Variants in GABRG3 observed in about 807,000 individuals in gnomAD.
The protein encoded by GABRG3 is gamma-aminobutyric acid type A receptor subunit gamma3.
GABRG3 carries 25 observed loss-of-function variants against 48.8 expected under a neutral mutation model. The ratio of observed to expected loss-of-function variants is 0.51; its 90% CI spans 0.37 to 0.72. The LOEUF (loss-of-function observed/expected upper bound fraction) is 0.72. Ranked by LOEUF, GABRG3 falls within the 30% of genes least tolerant of loss-of-function variation. The pLI is 0.00. For synonymous variants in GABRG3, 227 were observed against 217.6 expected (o/e 1.04, Z -0.38); for missense variants, 394 against 577.9 (o/e 0.68, Z 3.26).
chr15:27,140,358 C>T lies in GABRG3; in HGVS notation c.270+113537C>T, dbSNP rs75225599. Among the ~76,000 whole-genome samples, 12 of 152,096 alleles carry T rather than the reference C, an allele frequency of 7.9e-5. No individual in the cohort carries two copies. In the East Asian group the frequency reaches 2.3e-3, roughly 30 times the overall value. ...GTGTCCATTGTGGGTTGCTTGCTTGCTTGTTGATGGGGAGAAATCCCTACA... is the reference window on the plus strand; with the variant it reads ...GTGTCCATTGTGGGTTGCTTGCTTGTTTGTTGATGGGGAGAAATCCCTACA... On this transcript the variant is annotated intron_variant, in intron 3 of 9. Transcript: ENST00000615808.
rs1409783317 is a variant in GABRG3 at position 27,459,202 on chromosome 15, T to G, written c.575-21448T>G. On this transcript the variant is annotated intron_variant, in intron 5 of 9. Coordinates refer to ENST00000615808, the MANE Select transcript of GABRG3 (RefSeq NM_033223.5). ...TCTTTCCAAAATGCTGCTCTCCTGG[T>G]GAGAAAGAGAGCCTTGGCAGGCTCG... is the stretch of plus-strand genomic sequence containing the variant. Among the ~76,000 whole-genome samples, 4 of 152,314 alleles carry G rather than the reference T, an allele frequency of 2.6e-5. No individual in the cohort carries two copies. The South Asian group carries it at 8.3e-4, about 32-fold the overall frequency.
chr15:27,535,411 A>G lies in GABRG3; in HGVS notation c.*2530A>G, dbSNP rs1295757571. On this transcript the variant is annotated 3_prime_UTR_variant, in exon 10 of 10. Transcript: ENST00000615808. ...GTTAGCAACCCTCCTGAAATTTTAC[A>G]TGTAGGATAAATACACCAATAACCT... 1 of 152,332 alleles carries G rather than the reference A, an allele frequency of 6.6e-6. No homozygotes were observed. The highest frequency in any genetic ancestry group is 1.5e-5 in the Non-Finnish European group (1 of 68,040). The allele number at this position is 152,332 out of a possible 1,614,324, so 9.4% of individuals were successfully genotyped here.
intron 5 of GABRG3, among the ~76,000 whole-genome samples, chr15:27,337,089 C>T (rs1387113574): frequency 1.3e-5 from 2 of 152,194 alleles, no homozygotes; most frequent in Non-Finnish European, 2.9e-5. Context: ...TGACAGTACT[C>T]TACAAGGTGA....
chr15:27,185,292 A>G lies in GABRG3; in HGVS notation c.271-141517A>G, dbSNP rs143272003. ...TTCCTTTGACATATGTTCTTCACCC[A>G]TAGATTATTTTGAAGTATGTCATTT... On this transcript the variant is annotated intron_variant, in intron 3 of 9. Transcript: ENST00000615808. 1.6e-3 allele frequency among the ~76,000 whole-genome samples: 247 copies of G among 152,194 alleles called. 2 individuals carry two copies. The highest frequency in any genetic ancestry group is 5.7e-3 in the African/African-American group (238 of 41,538).
At chr15:27,104,916 A>G (rs369295859) in intron 3 of GABRG3, among the ~76,000 whole-genome samples, 2 of 152,330 alleles carry the variant, frequency 1.3e-5, no homozygotes, top group East Asian at 3.9e-4. Flanking sequence ...ATAAGCCCTA[A>G]CATGTCAATA....
At chr15:27,055,781 G>A (rs1014566588) in intron 3 of GABRG3, among the ~76,000 whole-genome samples, 1 of 152,030 alleles carries the variant, frequency 6.6e-6, no homozygotes, top group Non-Finnish European at 1.5e-5. Flanking sequence ...TACCCAACCA[G>A]TAATGATGGA....
At chr15:27,404,917 C>T (rs1371726413) in intron 5 of GABRG3, among the ~76,000 whole-genome samples, 1 of 152,128 alleles carries the variant, frequency 6.6e-6, no homozygotes, top group East Asian at 1.9e-4. Context: ...TGTCATGCCC[C>T]CTAGATTCTT....
At chr15:27,044,117 G>A (rs920109536) in intron 3 of GABRG3, among the ~76,000 whole-genome samples, 2 of 152,170 alleles carry the variant, frequency 1.3e-5, no homozygotes, top group East Asian at 1.9e-4. Context: ...ATCTAACCTC[G>A]GAAGTGATGT....
intron 3 of GABRG3, among the ~76,000 whole-genome samples, chr15:27,049,779 G>T (rs761239649): frequency 6.6e-6 from 1 of 152,210 alleles, no homozygotes; most frequent in Non-Finnish European, 1.5e-5. Flanking sequence ...ATGCGTGCAC[G>T]CTGCTAGACC....
At chr15:27,388,217 GAA>G (rs1896056027) in intron 5 of GABRG3, among the ~76,000 whole-genome samples, 2 of 75,206 alleles carry the variant, frequency 2.7e-5, no homozygotes, top group Non-Finnish European at 2.5e-5. Context: ...AGGAAAGGAG[GAA>G]GGAAGGAAAG....
At position 27,044,407 on chromosome 15, in the gene GABRG3, A is replaced by AT. The variant is rs548891676; in HGVS notation, c.270+17586_270+17587insT. ...TATCAATAGGTATTGACTAAAAGAA[A>AT]ATATAAATAGATGTCAAAATGCAAA... On this transcript the variant is annotated intron_variant, in intron 3 of 9. Coordinates refer to ENST00000615808, the MANE Select transcript of GABRG3 (RefSeq NM_033223.5). Among the ~76,000 whole-genome samples the AT allele has an allele frequency of 2.9e-3, 436 of 152,184 alleles. 1 individual carries two copies. The highest frequency in any genetic ancestry group is 9.2e-3 in the African/African-American group (382 of 41,522).
intron 5 of GABRG3, among the ~76,000 whole-genome samples, chr15:27,420,934 A>G (rs1389543795): frequency 6.6e-6 from 1 of 152,208 alleles, no homozygotes; most frequent in African/African-American, 2.4e-5. Context: ...ACCTTCTTAC[A>G]CTCTTCACTC....
Position 27,332,028 on chromosome 15 carries a change from T to C in GABRG3, c.574+3140T>C, listed in dbSNP as rs140157714. On this transcript the variant is annotated intron_variant, in intron 5 of 9. Transcript: ENST00000615808. Reference sequence around the variant, plus strand: ...ATAAGTTTTTGAACCACTTTACATGTGTAGCATTAATTCATATGTATAGGA... The same window carrying C: ...ATAAGTTTTTGAACCACTTTACATGCGTAGCATTAATTCATATGTATAGGA... Among the ~76,000 whole-genome samples, 724 of 152,296 alleles carry C rather than the reference T, an allele frequency of 4.8e-3. 5 individuals are homozygous for C. Among genetic ancestry groups the C allele is most frequent in the African/African-American group, 0.015 (642 of 41,574 alleles).
intron 3 of GABRG3, among the ~76,000 whole-genome samples, chr15:27,195,099 C>A (rs1424946422): frequency 6.6e-6 from 1 of 151,640 alleles, no homozygotes; most frequent in African/African-American, 2.4e-5. Context: ...TAGTTATTTT[C>A]TGAGCTTTTT....
rs1156451987 is a variant in GABRG3 at position 27,447,239 on chromosome 15, CA to C, written c.575-33407del. Among the ~76,000 whole-genome samples, 1 of 152,086 alleles carries C rather than the reference CA, an allele frequency of 6.6e-6. No homozygotes were observed. Among genetic ancestry groups the C allele is most frequent in the Non-Finnish European group, 1.5e-5 (1 of 68,008 alleles). ...ACATAATTATAGGCAAAATCAGAGT[CA>C]AAAGAGACAGGCATGTCCCAGAAGC... is the stretch of plus-strand genomic sequence containing the variant. On this transcript the variant is annotated intron_variant, in intron 5 of 9. Coordinates refer to ENST00000615808, the MANE Select transcript of GABRG3 (RefSeq NM_033223.5). This position sits in a 1 kb window ranked among gnomAD's most constrained non-coding sequence, Gnocchi z 4.0.
intron 5 of GABRG3, among the ~76,000 whole-genome samples, chr15:27,453,432 A>C (rs557043883): frequency 2.0e-5 from 3 of 152,366 alleles, no homozygotes; most frequent in South Asian, 2.1e-4. Flanking sequence ...AATTATATAA[A>C]GCTAGAAGAA....
intron 3 of GABRG3, among the ~76,000 whole-genome samples, chr15:27,181,269 C>T (rs974236150): frequency 6.6e-6 from 1 of 152,128 alleles, no homozygotes; most frequent in African/African-American, 2.4e-5. Flanking sequence ...TCTCATCAAA[C>T]CCCAAAGTCC....
rs1330084086 is a variant in GABRG3, at chr15:27,534,881, G to C, written c.*2000G>C. 2.0e-5 allele frequency: 3 copies of C among 152,130 alleles called. No homozygotes were observed. Among genetic ancestry groups the C allele is most frequent in the Non-Finnish European group, 4.4e-5 (3 of 68,028 alleles). The allele number at this position is 152,130 out of a possible 1,614,324, so 9.4% of individuals were successfully genotyped here. On this transcript the variant is annotated 3_prime_UTR_variant, in exon 10 of 10. Transcript: ENST00000615808. ...CTCCCTGTCAACTCTCTGTCTTTTGGTTTGGTAGTTGCTACATAATCCACA... is the reference window on the plus strand; with the variant it reads ...CTCCCTGTCAACTCTCTGTCTTTTGCTTTGGTAGTTGCTACATAATCCACA...
intron 7 of GABRG3, among the ~76,000 whole-genome samples, chr15:27,522,248 C>G (rs1330159336): frequency 6.6e-6 from 1 of 151,838 alleles, no homozygotes; most frequent in Non-Finnish European, 1.5e-5. Flanking sequence ...AGAAAATATA[C>G]TTCAAAAATT....
Sources: allele counts gnomAD v4.1 joint callset (sites outside exome capture counted in the v4.1 genomes callset), GRCh38; gene constraint gnomAD v4.1.1; non-coding constraint Gnocchi (gnomAD v3.1); transcripts MANE v1.5; gene names NCBI Gene and HGNC (gene_info 2026-07-23, HGNC 2026-07-21).